Variants in NEMP2 observed in about 807,000 individuals in gnomAD.
The protein encoded by NEMP2 is UPF0571 transmembrane protein.
A neutral mutation model predicts 54.2 loss-of-function variants in NEMP2; 53 were observed. That is an observed-to-expected ratio of 0.98 (90% CI 0.78 to 1.23). The LOEUF (loss-of-function observed/expected upper bound fraction) is 1.23. Among genes scored for constraint, NEMP2 ranks in the 50% most tolerant of loss-of-function variants. NEMP2 has a pLI of 0.00. For synonymous variants in NEMP2, 197 were observed against 190.3 expected, an observed-to-expected ratio of 1.04 and a Z score of -0.29; for missense variants, 455 against 511.3, an observed-to-expected ratio of 0.89 and a Z score of 1.06.
the NEMP2 span, among the ~76,000 whole-genome samples, chr2:190,589,291 T>A: frequency 9.8e-5 from 15 of 152,288 alleles, no homozygotes; most frequent in Middle Eastern, 3.4e-3. The surrounding 1 kb of genome is among the most constrained non-coding windows in gnomAD (Gnocchi z 4.3). Flanking sequence ...GCTATTAGCT[T>A]GCTATGTGCT....
chr2:190,429,336 T>A, the NEMP2 span, among the ~76,000 whole-genome samples: 162 of 151,978 alleles, frequency 1.1e-3, 1 homozygote, highest in African/African-American at 3.8e-3. Flanking sequence ...AATTCTTTTT[T>A]TTTTTTTGAG....
chr2:190,624,492 T>C, the NEMP2 span: 1 of 152,222 alleles, frequency 6.6e-6, no homozygotes, highest in Non-Finnish European at 1.5e-5. Context: ...AATCAGTATA[T>C]GGAAGACGTA....
chr2:190,450,472 T>C, the NEMP2 span, among the ~76,000 whole-genome samples: 2 of 144,016 alleles, frequency 1.4e-5, no homozygotes, highest in African/African-American at 5.0e-5. Flanking sequence ...GCTAACTTTT[T>C]CTTTTTCTCT....
At chr2:190,584,934 A>C in the NEMP2 span, among the ~76,000 whole-genome samples, 1 of 150,380 alleles carries the variant, frequency 6.6e-6, no homozygotes, top group African/African-American at 2.5e-5. This position sits in a 1 kb window ranked among gnomAD's most constrained non-coding sequence, Gnocchi z 4.2. Flanking sequence ...AAAGAAAGAA[A>C]GAAAGAAAGA....
chr2:190,485,743 T>C, the NEMP2 span, among the ~76,000 whole-genome samples: 5 of 152,120 alleles, frequency 3.3e-5, no homozygotes, highest in Non-Finnish European at 5.9e-5. This position sits in a 1 kb window ranked among gnomAD's most constrained non-coding sequence, Gnocchi z 5.1. Flanking sequence ...ACACGTTATT[T>C]GACTTCTTAG....
the NEMP2 span, among the ~76,000 whole-genome samples, chr2:190,632,376 G>T: frequency 6.6e-6 from 1 of 152,234 alleles, no homozygotes; most frequent in African/African-American, 2.4e-5. This position sits in a 1 kb window ranked among gnomAD's most constrained non-coding sequence, Gnocchi z 4.8. Context: ...TGTATTCTCA[G>T]CATAGGACCA....
chr2:190,600,135 A>G, the NEMP2 span, among the ~76,000 whole-genome samples: 1 of 152,180 alleles, frequency 6.6e-6, no homozygotes, highest in African/African-American at 2.4e-5. The surrounding 1 kb of genome is among the most constrained non-coding windows in gnomAD (Gnocchi z 4.9). Context: ...CACAGTACAC[A>G]ACACACTTGC....
the NEMP2 span, among the ~76,000 whole-genome samples, chr2:190,440,157 G>A: frequency 1.3e-5 from 2 of 152,184 alleles, no homozygotes; most frequent in Non-Finnish European, 2.9e-5. Flanking sequence ...CCATATATTT[G>A]TGGAGATTCA....
chr2:190,544,570 A>G, the NEMP2 span, among the ~76,000 whole-genome samples: 4 of 152,300 alleles, frequency 2.6e-5, no homozygotes, highest in South Asian at 8.3e-4. Context: ...ATTTACATTT[A>G]TGATTCTGAA....
the NEMP2 span, among the ~76,000 whole-genome samples, chr2:190,460,134 G>T: frequency 6.6e-6 from 1 of 152,198 alleles, no homozygotes; most frequent in Non-Finnish European, 1.5e-5. Context: ...TCTGCTCAGA[G>T]CATGTGCTGA....
At position 190,529,505 on chromosome 2, in the gene NEMP2, C is replaced by T. The variant is rs1691066332; in HGVS notation, c.98-4127G>A. ...AACACTCCCTTCTCAGAAAGGCCTT[C>T]TTTGACCCCACTGTCTAAACAAACA... On this transcript the variant is annotated intron_variant, in intron 1 of 8. Transcript: ENST00000409150. This position sits in a 1 kb window ranked among gnomAD's most constrained non-coding sequence, Gnocchi z 4.7. Among the ~76,000 whole-genome samples, 2 of 152,328 alleles carry T rather than the reference C, an allele frequency of 1.3e-5. No individual in the cohort carries two copies. The highest frequency in any genetic ancestry group is 1.3e-4 in the Admixed American group (2 of 15,304).
the NEMP2 span, among the ~76,000 whole-genome samples, chr2:190,638,623 G>A: frequency 6.6e-6 from 1 of 152,178 alleles, no homozygotes; most frequent in South Asian, 2.1e-4. The surrounding 1 kb of genome is among the most constrained non-coding windows in gnomAD (Gnocchi z 5.7). Context: ...AAATCAAAAA[G>A]TAGTTAATAA....
chr2:190,595,179 G>C, the NEMP2 span, among the ~76,000 whole-genome samples: 1 of 152,192 alleles, frequency 6.6e-6, no homozygotes, highest in Admixed American at 6.5e-5. The surrounding 1 kb of genome is among the most constrained non-coding windows in gnomAD (Gnocchi z 4.0). Context: ...AATAAATGGT[G>C]TTGGGAACAC....
the NEMP2 span, among the ~76,000 whole-genome samples, chr2:190,582,553 T>C: frequency 6.6e-6 from 1 of 152,220 alleles, no homozygotes; most frequent in Non-Finnish European, 1.5e-5. The surrounding 1 kb of genome is among the most constrained non-coding windows in gnomAD (Gnocchi z 4.6). Flanking sequence ...ATCATTTATC[T>C]CTTTTTTGCA....
chr2:190,592,244 AC>A, the NEMP2 span, among the ~76,000 whole-genome samples: 1 of 152,182 alleles, frequency 6.6e-6, no homozygotes, highest in African/African-American at 2.4e-5. The surrounding 1 kb of genome is among the most constrained non-coding windows in gnomAD (Gnocchi z 4.4). Flanking sequence ...ATCCAGTTTA[AC>A]CGTTGAAATG....
the NEMP2 span, chr2:190,436,529 C>A: frequency 6.2e-7 from 1 of 1,614,128 alleles, no homozygotes; most frequent in Non-Finnish European, 8.5e-7. This position sits in a 1 kb window ranked among gnomAD's most constrained non-coding sequence, Gnocchi z 5.3. Context: ...CGCCCAACAA[C>A]TCACCCCACC....
chr2:190,554,831 G>C, the NEMP2 span, among the ~76,000 whole-genome samples: 1 of 152,240 alleles, frequency 6.6e-6, no homozygotes, highest in Non-Finnish European at 1.5e-5. The surrounding 1 kb of genome is among the most constrained non-coding windows in gnomAD (Gnocchi z 5.7). Flanking sequence ...GCCTCCTCAA[G>C]TGGGTCCCTG....
chr2:190,570,332 G>C, the NEMP2 span, among the ~76,000 whole-genome samples: 12 of 152,116 alleles, frequency 7.9e-5, no homozygotes, highest in African/African-American at 2.7e-4. The surrounding 1 kb of genome is among the most constrained non-coding windows in gnomAD (Gnocchi z 5.4). Flanking sequence ...GAATGAGTTT[G>C]AATAAAGTTC....
At chr2:190,437,249 A>C in the NEMP2 span, 1 of 1,614,118 alleles carries the variant, frequency 6.2e-7, no homozygotes, top group African/African-American at 1.3e-5. The surrounding 1 kb of genome is among the most constrained non-coding windows in gnomAD (Gnocchi z 5.9). Context: ...AAAGAGGTGG[A>C]GATCCCGCAG....
Sources: allele counts gnomAD v4.1 joint callset (sites outside exome capture counted in the v4.1 genomes callset), GRCh38; gene constraint gnomAD v4.1.1; non-coding constraint Gnocchi (gnomAD v3.1); transcripts MANE v1.5; gene names NCBI Gene and HGNC (gene_info 2026-07-23, HGNC 2026-07-21).